RFX3: variants seen among roughly 807,000 people sequenced by gnomAD.
RFX3 encodes regulatory factor X3.
Under a neutral mutation model 98.6 loss-of-function variants are expected in RFX3, and 14 were observed. The ratio of observed to expected loss-of-function variants is 0.14; its 90% CI spans 0.09 to 0.22. The LOEUF (loss-of-function observed/expected upper bound fraction) is 0.22. Ranked by LOEUF, RFX3 falls within the 10% of genes least tolerant of loss-of-function variation. The pLI, the probability that RFX3 is intolerant of heterozygous loss-of-function variation, is 1.00. For synonymous variants in RFX3, 383 were observed against 328.4 expected (o/e 1.17, Z -1.80); for missense variants, 639 against 926.9 (o/e 0.69, Z 4.03).
At chr9:3,505,915 G>C (rs570946009) in intron 1 of RFX3, among the ~76,000 whole-genome samples, 2 of 151,868 alleles carry the variant, frequency 1.3e-5, no homozygotes, top group African/African-American at 4.8e-5. Flanking sequence ...AGAGGCCCTT[G>C]AAGAATGATC....
At chr9:3,383,638 T>G (rs1324365712) in intron 2 of RFX3, among the ~76,000 whole-genome samples, 3 of 151,698 alleles carry the variant, frequency 2.0e-5, no homozygotes, top group African/African-American at 7.3e-5. Context: ...ACAAAGAGAG[T>G]GGCTCCAGTT....
intron 2 of RFX3, among the ~76,000 whole-genome samples, chr9:3,365,230 G>A (rs1836915224): frequency 1.3e-5 from 2 of 149,266 alleles, no homozygotes; most frequent in Admixed American, 1.3e-4. Context: ...AACCCAGGAA[G>A]TGGAGGTTGC....
At chr9:3,229,265 C>T (rs1451027241) in intron 15 of RFX3, among the ~76,000 whole-genome samples, 1 of 152,184 alleles carries the variant, frequency 6.6e-6, no homozygotes, top group Non-Finnish European at 1.5e-5. Context: ...ATCAGCTCCA[C>T]CCCCTATACT....
intron 1 of RFX3, among the ~76,000 whole-genome samples, chr9:3,503,510 G>T (rs930790845): frequency 6.6e-6 from 1 of 152,030 alleles, no homozygotes; most frequent in African/African-American, 2.4e-5. Context: ...ACATAATGCT[G>T]AATATTTGAC....
chr9:3,422,696 AATATAT>A (rs1229686361), intron 1 of RFX3, among the ~76,000 whole-genome samples: 2 of 152,174 alleles, frequency 1.3e-5, no homozygotes, highest in Non-Finnish European at 2.9e-5. Context: ...AATGGTAAAT[AATATAT>A]ATAATCAAGA....
chr9:3,433,489 T>C (rs1368201167), intron 1 of RFX3, among the ~76,000 whole-genome samples: 4 of 152,234 alleles, frequency 2.6e-5, no homozygotes, highest in Non-Finnish European at 5.9e-5. Flanking sequence ...AGAAAATATG[T>C]GTTAATCAAC....
chr9:3,468,660 T>C (rs1039765345), intron 1 of RFX3, among the ~76,000 whole-genome samples: 9 of 151,864 alleles, frequency 5.9e-5, no homozygotes, highest in Non-Finnish European at 1.2e-4. Flanking sequence ...GAAAAGGCAA[T>C]GAATGTCTTG....
chr9:3,489,447 G>C, intron 1 of RFX3: 1 of 984,396 alleles, frequency 1.0e-6, no homozygotes, highest in Non-Finnish European at 1.2e-6. Flanking sequence ...ACAAGCTGCT[G>C]CATCTTCCTA....
intron 3 of RFX3, among the ~76,000 whole-genome samples, chr9:3,336,965 G>A (rs1168727382): frequency 6.6e-6 from 1 of 152,150 alleles, no homozygotes; most frequent in Non-Finnish European, 1.5e-5. Context: ...AGTATGAAAT[G>A]TACGCCTAAT....
chr9:3,232,453 ATT>A (rs1431305401), intron 15 of RFX3, among the ~76,000 whole-genome samples: 2 of 152,106 alleles, frequency 1.3e-5, no homozygotes, highest in Non-Finnish European at 2.9e-5. Context: ...TGCCGAACTT[ATT>A]TTGTTTCCTC....
intron 1 of RFX3, among the ~76,000 whole-genome samples, chr9:3,412,606 T>TTCA (rs1345995337): frequency 1.3e-5 from 2 of 152,160 alleles, no homozygotes; most frequent in African/African-American, 4.8e-5. Context: ...AGGGTGAAGC[T>TTCA]GGCATTTCCT....
intron 15 of RFX3, among the ~76,000 whole-genome samples, chr9:3,234,663 A>C (rs543017866): frequency 1.3e-5 from 2 of 151,482 alleles, no homozygotes; most frequent in African/African-American, 4.9e-5. Context: ...AACAAACAAA[A>C]AAACCCAAAA....
chr9:3,408,957 GTT>G (rs1472814221), intron 1 of RFX3, among the ~76,000 whole-genome samples: 1 of 152,118 alleles, frequency 6.6e-6, no homozygotes, highest in Non-Finnish European at 1.5e-5. Context: ...GTCAAAACTT[GTT>G]TCTTTTAACC....
At chr9:3,348,604 T>C (rs1317746634) in intron 2 of RFX3, among the ~76,000 whole-genome samples, 3 of 152,036 alleles carry the variant, frequency 2.0e-5, no homozygotes, top group East Asian at 1.9e-4. Flanking sequence ...AAAGTTTTTA[T>C]GGGAAAAATA....
intron 3 of RFX3, 111 bp downstream of exon 3, chr9:3,346,555 AG>A: frequency 1.4e-6 from 1 of 705,346 alleles, no homozygotes; most frequent in Non-Finnish European, 2.6e-6. Flanking sequence ...CTGTTCTAGT[AG>A]AAAATTACTT....
intron 1 of RFX3, among the ~76,000 whole-genome samples, chr9:3,496,421 A>G (rs1172258823): frequency 1.3e-5 from 2 of 152,016 alleles, no homozygotes; most frequent in African/African-American, 4.8e-5. Context: ...CATACAGTAC[A>G]TAACATTCCT....
chr9:3,421,188 C>T (rs376099279), intron 1 of RFX3, among the ~76,000 whole-genome samples: 86 of 152,180 alleles, frequency 5.7e-4, no homozygotes, highest in African/African-American at 2.1e-3. Context: ...TATTAATGAA[C>T]CTCTAAAGAA....
At chr9:3,485,841 T>C (rs991948003) in intron 1 of RFX3, among the ~76,000 whole-genome samples, 5 of 152,204 alleles carry the variant, frequency 3.3e-5, no homozygotes, top group African/African-American at 4.8e-5. Context: ...ATAATAGATA[T>C]TGGCTGAGTG....
intron 2 of RFX3, among the ~76,000 whole-genome samples, chr9:3,356,162 A>AAGGAAGGT (rs1162848939): frequency 7.1e-6 from 1 of 140,788 alleles, no homozygotes; most frequent in Admixed American, 6.9e-5. Context: ...AAGTGGAAGG[A>AAGGAAGGT]AGGAAGGAAG....
Sources: allele counts gnomAD v4.1 joint callset (sites outside exome capture counted in the v4.1 genomes callset), GRCh38; gene constraint gnomAD v4.1.1; transcripts MANE v1.5; gene names NCBI Gene and HGNC (gene_info 2026-07-23, HGNC 2026-07-21).